ACIN1: variants seen among roughly 807,000 people sequenced by gnomAD.
ACIN1 encodes the protein apoptotic chromatin condensation inducer 1, also known as apoptotic chromatin condensation inducer in the nucleus.
ACIN1 carries 16 observed loss-of-function variants against 146.6 expected under a neutral mutation model. That is an observed-to-expected ratio of 0.11 (90% CI 0.07 to 0.17). The LOEUF (loss-of-function observed/expected upper bound fraction) is 0.17, where lower values mean the gene tolerates loss of function less well. ACIN1 is among the 10% of genes least tolerant of loss of function. The pLI is 1.00. For missense variants in ACIN1, 1,357 were observed against 1,609.3 expected, an observed-to-expected ratio of 0.84 and a Z score of 2.68; for synonymous variants, 569 against 582.7, an observed-to-expected ratio of 0.98 and a Z score of 0.34.
intron 8 of ACIN1, 50 bp downstream of exon 8, chr14:23,078,096 AACTAT>A: frequency 1.3e-6 from 2 of 1,530,516 alleles, no homozygotes; most frequent in Non-Finnish European, 1.8e-6. Context: ...GGGAGCGAAG[AACTAT>A]CGCACACTCA....
intron 2 of ACIN1, among the ~76,000 whole-genome samples, chr14:23,092,102 T>A (rs1025344772): frequency 1.3e-5 from 2 of 152,152 alleles, no homozygotes; most frequent in Non-Finnish European, 2.9e-5. Context: ...TTCCTATTTT[T>A]TTTTTTTTGT....
chr14:23,078,083 C>T (rs150946697), intron 8 of ACIN1, 68 bp downstream of exon 8: 3 of 1,435,026 alleles, frequency 2.1e-6, no homozygotes, highest in African/African-American at 2.8e-5. Context: ...TCAAAGAACC[C>T]TAGGGAGCGA....
Position 23,061,013 on chromosome 14 carries a change from A to G in ACIN1, c.3525+71T>C. 3.5e-6 allele frequency: 5 copies of G among 1,442,802 alleles called. No individual in the cohort carries two copies. In the South Asian group the frequency reaches 4.6e-5, roughly 13 times the overall value. The allele number at this position is 1,442,802 out of a possible 1,614,324, so 89.4% of individuals were successfully genotyped here. Reference sequence around the variant, plus strand: ...TGGGCCGACTCACTCTCGCAGTCACATGAATCTCCCCTCACCCTGACCTCA... The same window carrying G: ...TGGGCCGACTCACTCTCGCAGTCACGTGAATCTCCCCTCACCCTGACCTCA... On this transcript the variant is annotated intron_variant, in intron 18 of 18. Coordinates refer to ENST00000605057, the MANE Select transcript of ACIN1 (RefSeq NM_001386863.1).
chr14:23,071,502 T>C (rs967526623), intron 8 of ACIN1: 20 of 1,551,490 alleles, frequency 1.3e-5, no homozygotes, highest in African/African-American at 6.8e-5. Context: ...AGTGGCTGGC[T>C]CTATTGTATT....
intron 9 of ACIN1, chr14:23,069,097 T>C (rs908631756): frequency 3.0e-6 from 3 of 994,650 alleles, no homozygotes; most frequent in African/African-American, 1.7e-5. Flanking sequence ...CTAGATGGCG[T>C]TGGGCTCCAT....
At chr14:23,071,246 A>G in intron 8 of ACIN1, 3 of 1,517,074 alleles carry the variant, frequency 2.0e-6, no homozygotes, top group Non-Finnish European at 2.6e-6. Flanking sequence ...ATAAAGAAAA[A>G]AAACCACACC....
At chr14:23,062,821 T>C in intron 14 of ACIN1, 108 bp downstream of exon 14, 1 of 1,274,386 alleles carries the variant, frequency 7.8e-7, no homozygotes, top group Non-Finnish European at 1.1e-6. Context: ...GTGAGTAACT[T>C]AATCTATTGG....
intron 12 of ACIN1, 95 bp from the exon 13 acceptor site, chr14:23,063,672 C>G (rs2140012669): frequency 7.1e-7 from 1 of 1,406,738 alleles, no homozygotes; most frequent in Non-Finnish European, 9.8e-7. Context: ...AGCAGTCAAT[C>G]TAGCATGTTC....
intron 17 of ACIN1, 54 bp downstream of exon 17, chr14:23,061,244 G>A: frequency 6.2e-7 from 1 of 1,613,546 alleles, no homozygotes; most frequent in East Asian, 2.2e-5. Context: ...CATCCCATCT[G>A]GGTCCCTTTC....
chr14:23,065,550 G>A (rs1364823118), intron 10 of ACIN1, among the ~76,000 whole-genome samples: 1 of 152,180 alleles, frequency 6.6e-6, no homozygotes, highest in East Asian at 1.9e-4. Flanking sequence ...TCGCACCACT[G>A]CACTCCAGCC....
Position 23,084,075 on chromosome 14 carries a change from T to C in ACIN1, c.437-2239A>G, listed in dbSNP as rs144646701. 3.2e-3 allele frequency among the ~76,000 whole-genome samples: 486 copies of C among 151,834 alleles called. 22 individuals are homozygous for C. In the East Asian group the frequency reaches 0.065, roughly 20 times the overall value. ...GATTCTCCTGCCTCAGCCTCCTGAG[T>C]AACTGGGACTACAGGCGCCCGCCAC... On this transcript the variant is annotated intron_variant, in intron 4 of 18. Transcript: ENST00000605057.
chr14:23,069,263 C>A (rs2047554289), intron 9 of ACIN1: 4 of 1,245,998 alleles, frequency 3.2e-6, no homozygotes, highest in Non-Finnish European at 4.0e-6. Context: ...ACTTCCCCAA[C>A]AAGGAAAGGA....
intron 1 of ACIN1, 104 bp downstream of exon 1, chr14:23,094,871 G>A: frequency 2.8e-6 from 4 of 1,451,196 alleles, no homozygotes; most frequent in African/African-American, 1.4e-5. Context: ...CTGGCGGCCT[G>A]AGCGAGCTCG....
chr14:23,084,788 T>C (rs2048045706), intron 4 of ACIN1, among the ~76,000 whole-genome samples: 1 of 152,168 alleles, frequency 6.6e-6, no homozygotes, highest in Non-Finnish European at 1.5e-5. Flanking sequence ...ATACAGGATA[T>C]ATGATTAGAA....
chr14:23,068,340 C>T lies in ACIN1; in HGVS notation c.2265+1136G>A, dbSNP rs1170574927. 3.0e-6 allele frequency: 3 copies of T among 985,818 alleles called. No homozygotes were observed. Among genetic ancestry groups the T allele is most frequent in the Non-Finnish European group, 3.6e-6 (3 of 829,994 alleles). The allele number at this position is 985,818 out of a possible 1,614,324, so 61.1% of individuals were successfully genotyped here. Reference sequence around the variant, plus strand: ...AGGGCAAGGGCATGTGGGCAGGCGCCCCAGCACTGGCACAAGCTCTTCTTG... The same window carrying T: ...AGGGCAAGGGCATGTGGGCAGGCGCTCCAGCACTGGCACAAGCTCTTCTTG... On this transcript the variant is annotated intron_variant, in intron 9 of 18. Coordinates refer to ENST00000605057, the MANE Select transcript of ACIN1 (RefSeq NM_001386863.1). This position sits in a 1 kb window ranked among gnomAD's most constrained non-coding sequence, Gnocchi z 4.3.
intron 1 of ACIN1, among the ~76,000 whole-genome samples, chr14:23,094,068 C>A (rs1489427601): frequency 1.3e-5 from 2 of 151,804 alleles, no homozygotes; most frequent in Non-Finnish European, 2.9e-5. Context: ...AGAAAATGAC[C>A]ACAGACCCTG....
chr14:23,069,924 C>T (rs8006767), intron 8 of ACIN1, among the ~76,000 whole-genome samples: 25,377 of 152,008 alleles, frequency 0.17, 2,645 homozygotes, highest in African/African-American at 0.29. Context: ...CAGAGTACTC[C>T]TATATGAAAG....
intron 4 of ACIN1, among the ~76,000 whole-genome samples, chr14:23,084,799 T>C (rs2048046231): frequency 6.6e-6 from 1 of 152,120 alleles, no homozygotes. Flanking sequence ...ATGATTAGAA[T>C]ATATAGTGAA....
At position 23,068,507 on chromosome 14, in the gene ACIN1, G is replaced by A. The variant is rs2047526376; in HGVS notation, c.2265+969C>T. The A allele has an allele frequency of 9.1e-6, 9 of 985,802 alleles. No individual in the cohort carries two copies. The highest frequency in any genetic ancestry group is 1.1e-5 in the Non-Finnish European group (9 of 829,988). 61.1% of individuals were successfully genotyped at this position (985,802 alleles called of 1,614,324 possible). On this transcript the variant is annotated intron_variant, in intron 9 of 18. Transcript: ENST00000605057. The surrounding 1 kb of genome is among the most constrained non-coding windows in gnomAD (Gnocchi z 4.3). ...GGGAGGCAAAAGGGGGCCCATCACA[G>A]GAGCCCATATACATGCCCCCCTCTG...
Sources: allele counts gnomAD v4.1 joint callset (sites outside exome capture counted in the v4.1 genomes callset), GRCh38; gene constraint gnomAD v4.1.1; non-coding constraint Gnocchi (gnomAD v3.1); transcripts MANE v1.5; gene names NCBI Gene and HGNC (gene_info 2026-07-23, HGNC 2026-07-21).